Variants in MINDY3 observed in about 807,000 individuals in gnomAD.
MINDY3 encodes MINDY lysine 48 deubiquitinase 3.
Under a neutral mutation model 69.2 loss-of-function variants are expected in MINDY3, and 38 were observed. That is an observed-to-expected ratio of 0.55 (90% CI 0.42 to 0.72). MINDY3 has a LOEUF of 0.72. Ranked by LOEUF, MINDY3 falls within the 30% of genes least tolerant of loss-of-function variation. MINDY3 has a pLI of 0.00. For synonymous variants in MINDY3, 192 were observed against 180.1 expected, an observed-to-expected ratio of 1.07 and a Z score of -0.53; for missense variants, 522 against 519.0, an observed-to-expected ratio of 1.01 and a Z score of -0.06.
At chr10:15,854,272 A>G (rs1311042378) in intron 1 of MINDY3, among the ~76,000 whole-genome samples, 4 of 152,130 alleles carry the variant, frequency 2.6e-5, no homozygotes, top group Non-Finnish European at 5.9e-5. Flanking sequence ...TGAAAAGGCT[A>G]CTACCATACT....
intron 4 of MINDY3, among the ~76,000 whole-genome samples, chr10:15,840,854 G>A (rs764002591): frequency 3.3e-5 from 5 of 151,580 alleles, no homozygotes; most frequent in Non-Finnish European, 5.9e-5. Context: ...TGAATAATGA[G>A]AATAGCTATT....
chr10:15,823,718 C>A (rs1839917128), intron 8 of MINDY3, among the ~76,000 whole-genome samples: 1 of 152,094 alleles, frequency 6.6e-6, no homozygotes, highest in Non-Finnish European at 1.5e-5. Flanking sequence ...AGTGATCTTA[C>A]TCTGCTATCA....
chr10:15,795,955 C>G (rs1780508838), intron 11 of MINDY3, 145 bp downstream of exon 11: 1 of 688,390 alleles, frequency 1.5e-6, no homozygotes, highest in African/African-American at 1.8e-5. Context: ...CCCATTTTCA[C>G]TACTTTCCTT....
chr10:15,779,920 A>C (rs951070878), intron 14 of MINDY3, among the ~76,000 whole-genome samples: 2 of 152,214 alleles, frequency 1.3e-5, no homozygotes, highest in African/African-American at 4.8e-5. Flanking sequence ...TGGACATATC[A>C]ACAAAAACCC....
chr10:15,855,117 C>A (rs1437131672), intron 1 of MINDY3, among the ~76,000 whole-genome samples: 1 of 152,030 alleles, frequency 6.6e-6, no homozygotes, highest in East Asian at 1.9e-4. Flanking sequence ...GTTGGAAATG[C>A]GTTACAGTGA....
chr10:15,860,490 G>C lies in MINDY3; in HGVS notation c.-191C>G. 1 of 602,426 alleles carries C rather than the reference G, an allele frequency of 1.7e-6. No individual in the cohort carries two copies. The highest frequency in any genetic ancestry group is 2.9e-6 in the Non-Finnish European group (1 of 342,972). The allele number at this position is 602,426 out of a possible 1,614,324, so 37.3% of individuals were successfully genotyped here. A position where few individuals can be genotyped will look rare whatever the true frequency, so the allele number is the denominator to read the frequency against. ...TCAAGCCAGGTTGGGGCAGCAGCGA[G>C]TTTTCCGTACCGGAAGTGCTGGTGC... On this transcript the variant is annotated 5_prime_UTR_variant, in exon 1 of 15. Transcript: ENST00000277632.
At chr10:15,810,864 C>T (rs938149341) in intron 10 of MINDY3, among the ~76,000 whole-genome samples, 5 of 151,928 alleles carry the variant, frequency 3.3e-5, no homozygotes, top group Admixed American at 6.6e-5. Flanking sequence ...AGACAAACAA[C>T]CCAATTAAAA....
chr10:15,807,692 C>T (rs1838733163), intron 10 of MINDY3, among the ~76,000 whole-genome samples: 1 of 151,888 alleles, frequency 6.6e-6, no homozygotes, highest in Admixed American at 6.6e-5. Context: ...TATCTTTAGA[C>T]AATTATTTGG....
intron 1 of MINDY3, among the ~76,000 whole-genome samples, chr10:15,859,650 G>A (rs1190729012): frequency 1.3e-5 from 2 of 152,098 alleles, no homozygotes; most frequent in Non-Finnish European, 2.9e-5. Context: ...TATAAAAAAC[G>A]GGGATACTTT....
chr10:15,798,071 C>A (rs954924518), intron 10 of MINDY3, among the ~76,000 whole-genome samples: 1 of 152,112 alleles, frequency 6.6e-6, no homozygotes, highest in East Asian at 1.9e-4. Flanking sequence ...TCTTTCTATT[C>A]GCCATCTGTT....
rs948892444 is a variant in MINDY3 at position 15,789,035 on chromosome 10, G to A, written c.1028+212C>T. On this transcript the variant is annotated intron_variant, in intron 12 of 14. Transcript: ENST00000277632. ...TTAGCATTTTTTAAAAAGCAGGACA[G>A]TAATTGCTGGGTGGGAAAGGAAACT... is the stretch of plus-strand genomic sequence containing the variant. The A allele has an allele frequency of 1.2e-5, 5 of 420,408 alleles. No homozygotes were observed. The Admixed American group carries it at 1.5e-4, about 12-fold the overall frequency. The allele number at this position is 420,408 out of a possible 1,614,324, so 26.0% of individuals were successfully genotyped here.
intron 8 of MINDY3, among the ~76,000 whole-genome samples, chr10:15,827,166 A>C (rs968841387): frequency 7.5e-6 from 1 of 133,878 alleles, no homozygotes; most frequent in Non-Finnish European, 1.5e-5. Context: ...TAAAATTGAT[A>C]TAACAGGAGT....
At chr10:15,847,729 A>G (rs748983702) in intron 2 of MINDY3, 135 bp downstream of exon 2, 26 of 543,594 alleles carry the variant, frequency 4.8e-5, no homozygotes, top group Non-Finnish European at 7.3e-5. Flanking sequence ...ATTTATTGTA[A>G]TTTACATGAG....
chr10:15,838,534 C>T (rs938005467), intron 4 of MINDY3, among the ~76,000 whole-genome samples: 1 of 151,628 alleles, frequency 6.6e-6, no homozygotes, highest in African/African-American at 2.4e-5. Flanking sequence ...AGCTATGCTA[C>T]GGCAGTTATA....
intron 10 of MINDY3, among the ~76,000 whole-genome samples, chr10:15,813,604 C>G (rs1370890408): frequency 1.2e-4 from 18 of 152,164 alleles, no homozygotes; most frequent in Admixed American, 1.2e-3. Context: ...TTGCTCACCA[C>G]TGTATTCACA....
At chr10:15,791,688 T>TAA (rs1837430758) in intron 11 of MINDY3, among the ~76,000 whole-genome samples, 1 of 152,070 alleles carries the variant, frequency 6.6e-6, no homozygotes, top group African/African-American at 2.4e-5. Context: ...TCCAGATTGC[T>TAA]AAAAGTGTCA....
intron 14 of MINDY3, among the ~76,000 whole-genome samples, chr10:15,781,029 T>TTA (rs770911542): frequency 1.3e-5 from 2 of 152,136 alleles, no homozygotes; most frequent in Non-Finnish European, 2.9e-5. Context: ...TAATTAGTGA[T>TTA]TATAAAGTAC....
At chr10:15,804,015 G>A (rs975576348) in intron 10 of MINDY3, among the ~76,000 whole-genome samples, 1 of 152,050 alleles carries the variant, frequency 6.6e-6, no homozygotes, top group Admixed American at 6.6e-5. Context: ...GAGACTCAAC[G>A]ATTACATACT....
At chr10:15,831,823 G>A (rs1034984887) in intron 8 of MINDY3, among the ~76,000 whole-genome samples, 1 of 152,012 alleles carries the variant, frequency 6.6e-6, no homozygotes, top group African/African-American at 2.4e-5. Flanking sequence ...CTACAGGCAT[G>A]CATCACCACA....
Sources: gnomAD v4.1 joint callset for allele counts (sites outside exome capture counted in the v4.1 genomes callset) on GRCh38, gnomAD v4.1.1 for gene constraint, MANE v1.5 for transcripts, NCBI Gene and HGNC (gene_info 2026-07-23, HGNC 2026-07-21) for gene names.